Variants in LUZP2 observed in about 807,000 individuals in gnomAD.
LUZP2 encodes the protein leucine zipper protein 2.
In LUZP2, 52 loss-of-function variants were observed where a neutral mutation model predicts 51.6. The observed-to-expected ratio is 1.01, with a 90% CI of 0.81 to 1.27. LUZP2 has a LOEUF of 1.27. Among genes scored for constraint, LUZP2 ranks in the 50% most tolerant of loss-of-function variants. The pLI is 0.00. For missense variants in LUZP2, 436 were observed against 395.4 expected, an observed-to-expected ratio of 1.10 and a Z score of -0.87; for synonymous variants, 154 against 137.3, an observed-to-expected ratio of 1.12 and a Z score of -0.85.
chr11:24,807,891 G>A (rs1363254276), intron 5 of LUZP2, among the ~76,000 whole-genome samples: 2 of 151,926 alleles, frequency 1.3e-5, no homozygotes, highest in East Asian at 1.9e-4. Flanking sequence ...ATATTTTGGG[G>A]GTATTGTGCT....
chr11:24,686,223 C>A (rs116810752), intron 1 of LUZP2, among the ~76,000 whole-genome samples: 135 of 148,332 alleles, frequency 9.1e-4, no homozygotes, highest in African/African-American at 2.1e-3. Flanking sequence ...GTGAACTCTG[C>A]AAAAAAAAAA....
chr11:24,833,714 A>G (rs1488301898), intron 5 of LUZP2, among the ~76,000 whole-genome samples: 27 of 143,728 alleles, frequency 1.9e-4, no homozygotes, highest in African/African-American at 7.1e-4. Flanking sequence ...GCGCGCGCGC[A>G]CACACACACA....
At chr11:24,700,168 T>A (rs374818234) in intron 1 of LUZP2, among the ~76,000 whole-genome samples, 15 of 149,680 alleles carry the variant, frequency 1.0e-4, no homozygotes, top group Middle Eastern at 3.5e-3. Flanking sequence ...TTCAAGCAAG[T>A]CTCTTGCCTC....
intron 1 of LUZP2, among the ~76,000 whole-genome samples, chr11:24,619,026 T>G (rs1470766045): frequency 1.3e-5 from 2 of 151,422 alleles, no homozygotes; most frequent in African/African-American, 4.8e-5. Flanking sequence ...ATTTATTTAT[T>G]TATTTATTTA....
chr11:24,546,468 G>A (rs541932002), intron 1 of LUZP2, among the ~76,000 whole-genome samples: 1 of 151,850 alleles, frequency 6.6e-6, no homozygotes, highest in South Asian at 2.1e-4. Context: ...AGTTTCTTGA[G>A]GTTTTTTAAC....
At chr11:24,843,658 T>C (rs748092532) in intron 5 of LUZP2, among the ~76,000 whole-genome samples, 1 of 152,148 alleles carries the variant, frequency 6.6e-6, no homozygotes, top group African/African-American at 2.4e-5. Context: ...AAGAGTGATA[T>C]GGTTTGGCTG....
At chr11:24,532,628 A>T (rs1235183898) in intron 1 of LUZP2, among the ~76,000 whole-genome samples, 1 of 151,092 alleles carries the variant, frequency 6.6e-6, no homozygotes. Flanking sequence ...TTGCTTACAT[A>T]GTAACTTTCT....
At chr11:24,683,520 A>G (rs969177477) in intron 1 of LUZP2, among the ~76,000 whole-genome samples, 2 of 152,200 alleles carry the variant, frequency 1.3e-5, no homozygotes, top group African/African-American at 4.8e-5. Flanking sequence ...ATTAATATAG[A>G]TTCTTAAATT....
intron 1 of LUZP2, among the ~76,000 whole-genome samples, chr11:24,684,331 T>C (rs914621042): frequency 2.6e-5 from 4 of 152,230 alleles, no homozygotes; most frequent in South Asian, 4.1e-4. Context: ...CAATCCTATT[T>C]CATCTGAACT....
intron 1 of LUZP2, among the ~76,000 whole-genome samples, chr11:24,674,248 G>T (rs1249044454): frequency 6.6e-6 from 1 of 152,078 alleles, no homozygotes; most frequent in Non-Finnish European, 1.5e-5. Context: ...ATGTGTCCAG[G>T]CTCTCTGGTT....
At chr11:24,794,821 C>T (rs1380728097) in intron 5 of LUZP2, among the ~76,000 whole-genome samples, 1 of 151,906 alleles carries the variant, frequency 6.6e-6, no homozygotes, top group Non-Finnish European at 1.5e-5. Flanking sequence ...ATATAAGATA[C>T]CATATCATCA....
intron 5 of LUZP2, among the ~76,000 whole-genome samples, chr11:24,836,985 T>C (rs1344046151): frequency 6.6e-6 from 1 of 151,214 alleles, no homozygotes; most frequent in East Asian, 1.9e-4. Context: ...GTTACTTTCC[T>C]CACCCTTTAA....
chr11:24,769,786 C>CTCTTTTTTTTTTTT (rs764723270), intron 5 of LUZP2, among the ~76,000 whole-genome samples: 3 of 146,958 alleles, frequency 2.0e-5, no homozygotes, highest in Non-Finnish European at 4.4e-5. Flanking sequence ...ACTAAATTCT[C>CTCTTTTTTTTTTTT]TTTTTTGTTT....
At position 24,685,968 on chromosome 11, in the gene LUZP2, G is replaced by T. The variant is rs569092175; in HGVS notation, c.63-43201G>T. Among the ~76,000 whole-genome samples the T allele has an allele frequency of 2.6e-5, 4 of 152,204 alleles. No individual in the cohort carries two copies. The East Asian group carries it at 7.7e-4, about 29-fold the overall frequency. ...TTATTAGATTATCCTATATTTAGTT[G>T]AACTAGAAATGAGGAGTATCATGCT... On this transcript the variant is annotated intron_variant, in intron 1 of 11. Transcript: ENST00000336930.
chr11:24,701,546 C>G (rs888388725), intron 1 of LUZP2: 1 of 157,272 alleles, frequency 6.4e-6, no homozygotes, highest in Non-Finnish European at 1.5e-5. Flanking sequence ...TCTGATGAAG[C>G]CCGAGACAAA....
intron 1 of LUZP2, among the ~76,000 whole-genome samples, chr11:24,570,219 T>C (rs910418427): frequency 1.3e-5 from 2 of 151,108 alleles, no homozygotes; most frequent in African/African-American, 4.9e-5. Flanking sequence ...CATGGTTCAT[T>C]CAGTAACACT....
chr11:24,994,640 A>G (rs1376129655), intron 9 of LUZP2, among the ~76,000 whole-genome samples: 1 of 152,212 alleles, frequency 6.6e-6, no homozygotes, highest in Non-Finnish European at 1.5e-5. Flanking sequence ...TTTGAGAATT[A>G]CCTGCTCAAT....
intron 5 of LUZP2, among the ~76,000 whole-genome samples, chr11:24,883,328 A>G (rs1852550031): frequency 6.6e-6 from 1 of 151,230 alleles, no homozygotes; most frequent in Non-Finnish European, 1.5e-5. Context: ...TAACAGTAAA[A>G]CAAAATGTTT....
In LUZP2 at chr11:24,983,131, A is replaced by G; in HGVS notation, c.603A>G (p.Ser201=). 1.2e-6 allele frequency: 2 copies of G among 1,610,678 alleles called. No individual in the cohort carries two copies. Among genetic ancestry groups the G allele is most frequent in the South Asian group, 1.1e-5 (1 of 90,722 alleles). The part of the protein sequence containing the change: ...ELEKAALDRE[S]QMKAMKETVQ... The stretch of plus-strand genomic sequence containing the variant: ...TAATGCCTCTTTTTTTGTAGGAGTC[A>G]CAGATGAAAGCAATGAAAGAGACTG... Residue 201 remains serine, a synonymous_variant, in exon 9 of 12, where the codon TCA becomes TCG. Coordinates refer to ENST00000336930, the MANE Select transcript of LUZP2 (RefSeq NM_001009909.4).
Sources: allele counts gnomAD v4.1 joint callset (sites outside exome capture counted in the v4.1 genomes callset), GRCh38; gene constraint gnomAD v4.1.1; transcripts MANE v1.5; gene names NCBI Gene and HGNC (gene_info 2026-07-23, HGNC 2026-07-21).